The following PARP1 variants were observed in gnomAD, a reference collection of about 807,000 sequenced individuals.
The protein encoded by PARP1 is poly(ADP-ribose) polymerase 1, also known as poly [ADP-ribose] polymerase 1.
Under a neutral mutation model 118.7 loss-of-function variants are expected in PARP1, and 44 were observed. The ratio of observed to expected loss-of-function variants is 0.37; its 90% CI spans 0.29 to 0.48. The LOEUF (loss-of-function observed/expected upper bound fraction) is 0.48, where lower values mean the gene tolerates loss of function less well. Among genes scored for constraint, PARP1 ranks in the 20% least tolerant of loss-of-function variants. The probability of loss-of-function intolerance (pLI) is 0.99; values close to 1 mark genes in which losing one functional copy is unlikely to be tolerated. For synonymous variants in PARP1, 492 were observed against 483.2 expected (o/e 1.02, Z -0.24); for missense variants, 1,100 against 1,272.4 (o/e 0.86, Z 2.06).
At chr1:226,402,061 G>C in intron 2 of PARP1, 153 bp downstream of exon 2, 4 of 1,555,648 alleles carry the variant, frequency 2.6e-6, no homozygotes, top group Non-Finnish European at 3.5e-6. Context: ...GAGTCCAGGA[G>C]GTGTTGCTGA....
At chr1:226,363,829 G>A (rs1664200490) in intron 20 of PARP1, 114 bp downstream of exon 20, 3 of 1,115,620 alleles carry the variant, frequency 2.7e-6, no homozygotes, top group Admixed American at 1.7e-5. Flanking sequence ...TAATTGGTGC[G>A]TCCAGTAACT....
At chr1:226,372,380 T>C (rs146648022) in intron 14 of PARP1, among the ~76,000 whole-genome samples, 2 of 152,318 alleles carry the variant, frequency 1.3e-5, no homozygotes, top group Non-Finnish European at 2.9e-5. Flanking sequence ...AACATTAAAA[T>C]GTCATTTCAG....
chr1:226,381,475 G>A (rs1211005853), intron 8 of PARP1, among the ~76,000 whole-genome samples: 1 of 152,256 alleles, frequency 6.6e-6, no homozygotes, highest in Non-Finnish European at 1.5e-5. Flanking sequence ...GCAGCTGCGG[G>A]TTACCCCAGG....
chr1:226,402,412 A>G (rs759357142), intron 1 of PARP1, 33 bp from the exon 2 acceptor site: 7 of 1,598,914 alleles, frequency 4.4e-6, no homozygotes, highest in Non-Finnish European at 8.5e-7. Context: ...GAAGTAAGTA[A>G]GCAGTTAACT....
At chr1:226,384,900 C>G (rs1400142221) in intron 7 of PARP1, among the ~76,000 whole-genome samples, 1 of 152,192 alleles carries the variant, frequency 6.6e-6, no homozygotes, top group Non-Finnish European at 1.5e-5. Flanking sequence ...TGCACCTACC[C>G]AGGCTGCTGG....
rs751650064 is a variant in PARP1, at chr1:226,361,948, A to G, written c.2963+21T>C. ...CGAGAACATCCCTTTGTGCTCACAC[A>G]GCATACTCAAGAAAGGATACTCGTT... On this transcript the variant is annotated intron_variant, in intron 22 of 22. Coordinates refer to ENST00000366794, the MANE Select transcript of PARP1 (RefSeq NM_001618.4). The G allele has an allele frequency of 3.6e-6, 5 of 1,374,380 alleles. 1 individual carries two copies. The Middle Eastern group carries it at 5.3e-4, about 145-fold the overall frequency. 85.1% of individuals were successfully genotyped at this position (1,374,380 alleles called of 1,614,324 possible). A position where few individuals can be genotyped will look rare whatever the true frequency, so the allele number is the denominator to read the frequency against.
chr1:226,367,352 G>GA (rs1414044528), intron 17 of PARP1, 128 bp downstream of exon 17: 10 of 1,158,546 alleles, frequency 8.6e-6, no homozygotes, highest in Non-Finnish European at 1.0e-5. Flanking sequence ...TTAGAAAAGT[G>GA]AATTATTGGG....
At chr1:226,407,413 A>G (rs1047905475) in intron 1 of PARP1, among the ~76,000 whole-genome samples, 2 of 151,596 alleles carry the variant, frequency 1.3e-5, no homozygotes. Context: ...GCCACCATCC[A>G]TGTAGAACAA....
chr1:226,390,444 G>C lies in PARP1; in HGVS notation c.583C>G (p.Leu195Val), dbSNP rs2102741031. The C allele has an allele frequency of 1.9e-6, 3 of 1,614,102 alleles. No individual in the cohort carries two copies. The highest frequency in any genetic ancestry group is 2.5e-6 in the Non-Finnish European group (3 of 1,180,038). ...TTGACTCCTGGGAGCTGCTTCTTCA[G>C]GGCTTCTTTATCCTCTGTAGCAAGG... ...SLLATEDKEALKKQLPGVKSE... is the reference protein window; with the variant it reads ...SLLATEDKEAVKKQLPGVKSE... Residue 195 changes from leucine (L) to valine (V), a missense_variant, in exon 4 of 23, where the codon CTG (leucine) becomes GTG (valine). Physicochemically the swap from Leu to Val is conservative, Grantham distance 32 (BLOSUM62 1). Around this residue, in one of 2 missense-constraint regions of PARP1, gnomAD observed 948 missense variants for 1,031.8 expected, o/e 0.92. Transcript: ENST00000366794.
chr1:226,391,119 G>A (rs181373401), intron 3 of PARP1, among the ~76,000 whole-genome samples: 87 of 151,158 alleles, frequency 5.8e-4, no homozygotes, highest in African/African-American at 2.0e-3. Context: ...CTCCTACCTC[G>A]GCCTTGCCTG....
At chr1:226,404,287 A>G (rs777699114) in intron 1 of PARP1, among the ~76,000 whole-genome samples, 1 of 152,246 alleles carries the variant, frequency 6.6e-6, no homozygotes, top group Non-Finnish European at 1.5e-5. Context: ...TTCTGAGAGC[A>G]TACTCATGTT....
intron 14 of PARP1, among the ~76,000 whole-genome samples, chr1:226,372,515 T>TA (rs1346221531): frequency 6.6e-6 from 1 of 151,606 alleles, no homozygotes; most frequent in South Asian, 2.1e-4. Flanking sequence ...CTACTAAAAA[T>TA]AAAAAAACAA....
Position 226,388,683 on chromosome 1 carries a change from C to G in PARP1, c.690G>C (p.Lys230Asn), listed in dbSNP as rs752647218. 5 of 1,613,656 alleles carry G rather than the reference C, an allele frequency of 3.1e-6. No individual in the cohort carries two copies. The Admixed American group carries it at 8.3e-5, about 27-fold the overall frequency. The stretch of plus-strand genomic sequence containing the variant: ...TTAGGGCTTTTTCAAGCTTACTATC[C>G]TTGTCTTTTTCTTTTTTAGATTTCT... ...AKKKSKKEKD[K>N]DSKLEKALKA... Residue 230 changes from lysine (K) to asparagine (N), a missense_variant, in exon 5 of 23, where the codon AAG becomes AAC. By Grantham distance (94) the Lys-to-Asn change is moderately conservative. Around this residue, in one of 2 missense-constraint regions of PARP1, gnomAD observed 948 missense variants for 1,031.8 expected, o/e 0.92. Transcript: ENST00000366794.
intron 7 of PARP1, 52 bp downstream of exon 7, chr1:226,385,452 T>C: frequency 6.5e-7 from 1 of 1,536,486 alleles, no homozygotes; most frequent in Non-Finnish European, 9.0e-7. Context: ...GCGCAGAAAG[T>C]GGGGCCAGGT....
chr1:226,366,110 G>C (rs1001513631), intron 17 of PARP1, 58 bp from the exon 18 acceptor site: 2 of 1,142,324 alleles, frequency 1.8e-6, no homozygotes, highest in African/African-American at 3.0e-5. Context: ...CTACAGAGGA[G>C]GAATGCTCAG....
intron 20 of PARP1, 84 bp from the exon 21 acceptor site, chr1:226,363,244 T>C (rs1279737781): frequency 3.3e-6 from 3 of 919,952 alleles, no homozygotes; most frequent in Non-Finnish European, 5.5e-6. Context: ...TAAGATCAGA[T>C]ACAGAGATGA....
Position 226,381,132 on chromosome 1 carries a change from A to T in PARP1, c.1236T>A (p.Ile412=). ...CCGTCAACTTCCCCCCGAGTTTCTC[A>T]ATCATGGCCTTCACTTCATCCTTGT... ...SRNKDEVKAM[I]EKLGGKLTGT... Residue 412 remains isoleucine, a synonymous_variant, in exon 9 of 23, where the codon ATT becomes ATA. Coordinates refer to ENST00000366794, the MANE Select transcript of PARP1 (RefSeq NM_001618.4). The T allele has an allele frequency of 6.2e-7, 1 of 1,614,156 alleles. No individual in the cohort carries two copies. The highest frequency in any genetic ancestry group is 8.5e-7 in the Non-Finnish European group (1 of 1,180,026).
intron 7 of PARP1, among the ~76,000 whole-genome samples, chr1:226,383,390 T>C (rs1334702862): frequency 6.6e-6 from 1 of 152,188 alleles, no homozygotes; most frequent in African/African-American, 2.4e-5. Context: ...TACTTTTACA[T>C]TTATAATAGG....
chr1:226,382,357 C>T (rs1251975110), intron 8 of PARP1, among the ~76,000 whole-genome samples: 3 of 152,142 alleles, frequency 2.0e-5, no homozygotes, highest in East Asian at 1.9e-4. Context: ...CACCAGGGCC[C>T]GGATGACTGG....
Sources: allele counts gnomAD v4.1 joint callset (sites outside exome capture counted in the v4.1 genomes callset), GRCh38; gene constraint gnomAD v4.1.1; regional missense constraint gnomAD v4.1.1; transcripts MANE v1.5; gene names NCBI Gene and HGNC (gene_info 2026-07-23, HGNC 2026-07-21).